FAM228B: variants seen among roughly 807,000 people sequenced by gnomAD.
The protein encoded by FAM228B is family with sequence similarity 228 member B.
A neutral mutation model predicts 42.6 loss-of-function variants in FAM228B; 38 were observed. That is an observed-to-expected ratio of 0.89 (90% CI 0.69 to 1.17). The LOEUF is 1.17. Among genes scored for constraint, FAM228B ranks in the 50% most tolerant of loss-of-function variants. The pLI is 0.00. For synonymous variants in FAM228B, 109 were observed against 122.3 expected, an observed-to-expected ratio of 0.89 and a Z score of 0.72; for missense variants, 344 against 367.3, an observed-to-expected ratio of 0.94 and a Z score of 0.52.
At chr2:24,100,775 A>G (rs1665591172) in intron 3 of FAM228B, among the ~76,000 whole-genome samples, 1 of 152,230 alleles carries the variant, frequency 6.6e-6, no homozygotes, top group Non-Finnish European at 1.5e-5. Flanking sequence ...ATATACCCAA[A>G]GGATCATAAA....
In FAM228B at chr2:24,084,469, G is replaced by C; in HGVS notation, c.-210+3514G>C. 28 of 1,082,812 alleles carry C rather than the reference G, an allele frequency of 2.6e-5. No homozygotes were observed. The highest frequency in any genetic ancestry group is 3.3e-5 in the Non-Finnish European group (27 of 809,708). 67.1% of individuals were successfully genotyped at this position (1,082,812 alleles called of 1,614,324 possible). A position where few individuals can be genotyped will look rare whatever the true frequency, so the allele number is the denominator to read the frequency against. On this transcript the variant is annotated intron_variant, in intron 2 of 10. Coordinates refer to the FAM228B transcript ENST00000613899. The surrounding 1 kb of genome is among the most constrained non-coding windows in gnomAD (Gnocchi z 8.4). ...CCCAGCCTCAGGCTGGCACCGCAGC[G>C]CCCCCTGCCGGCCAGCGCCTCGCTG...
At chr2:24,161,717 A>C (rs1667291244) in intron 8 of FAM228B, 104 bp downstream of exon 8, 2 of 732,690 alleles carry the variant, frequency 2.7e-6, no homozygotes, top group Non-Finnish European at 4.7e-6. Context: ...GCTGAGGCAC[A>C]CACAAAGCTC....
intron 2 of FAM228B, among the ~76,000 whole-genome samples, chr2:24,083,937 G>GT (rs1368173375): frequency 2.6e-5 from 4 of 152,226 alleles, no homozygotes; most frequent in Non-Finnish European, 5.9e-5. Flanking sequence ...CCACAACAAT[G>GT]TTAGTTCCGC....
chr2:24,090,046 G>A (rs1665353396), intron 2 of FAM228B, among the ~76,000 whole-genome samples: 1 of 151,808 alleles, frequency 6.6e-6, no homozygotes, highest in African/African-American at 2.4e-5. Context: ...GGCCAAGGCG[G>A]GCGGATCACG....
At chr2:24,113,135 T>G (rs1308662538) in intron 3 of FAM228B, among the ~76,000 whole-genome samples, 1 of 152,164 alleles carries the variant, frequency 6.6e-6, no homozygotes, top group Admixed American at 6.5e-5. Flanking sequence ...TACTGTTGTA[T>G]CATTACTACC....
intron 2 of FAM228B, 107 bp downstream of exon 2, chr2:24,124,567 C>T (rs928368823): frequency 1.1e-5 from 7 of 660,944 alleles, no homozygotes; most frequent in Non-Finnish European, 1.8e-5. Context: ...GTTTTTATTT[C>T]ATTCTGTTTA....
chr2:24,098,518 A>T (rs1665546974), intron 3 of FAM228B, among the ~76,000 whole-genome samples: 1 of 152,246 alleles, frequency 6.6e-6, no homozygotes, highest in Non-Finnish European at 1.5e-5. Context: ...TTGCAAATAA[A>T]CTAGAAAATC....
At chr2:24,168,552 A>T (rs1667484590) in intron 10 of FAM228B, among the ~76,000 whole-genome samples, 1 of 152,206 alleles carries the variant, frequency 6.6e-6, no homozygotes, top group Non-Finnish European at 1.5e-5. Context: ...ATGAAAGCTG[A>T]TTAGAGTGGG....
At chr2:24,120,141 C>T (rs1249849454), upstream of FAM228B, among the ~76,000 whole-genome samples, 1 of 152,002 alleles carries the variant, frequency 6.6e-6, no homozygotes, top group Non-Finnish European at 1.5e-5. Flanking sequence ...TGGTGGCAGG[C>T]GCCTGTAACC....
In FAM228B at chr2:24,137,994, C is replaced by T; in HGVS notation, c.254C>T (p.Ala85Val). Residue 85 changes from alanine (A) to valine (V), a missense_variant, in exon 4 of 11, where the codon GCA becomes GTA. Coordinates refer to ENST00000615575, the MANE Select transcript of FAM228B (RefSeq NM_001145710.2). ...MLYKRWVDCV[A>V]DPLQKKIIEK... The stretch of plus-strand genomic sequence containing the variant: ...TATAAAAGATGGGTTGACTGTGTGG[C>T]AGATCCTCTTCAGAAGAAAATTATA... The T allele has an allele frequency of 1.9e-6, 3 of 1,548,504 alleles. No individual in the cohort carries two copies.
intron 2 of FAM228B, among the ~76,000 whole-genome samples, chr2:24,086,497 T>C (rs1036616592): frequency 8.1e-5 from 12 of 148,124 alleles, no homozygotes; most frequent in Admixed American, 8.1e-4. Flanking sequence ...CCCTCCCTCC[T>C]TCCTTCCTTC....
chr2:24,077,570 C>T lies in FAM228B; in HGVS notation c.-290+601C>T. The T allele has an allele frequency of 6.2e-7, 1 of 1,612,502 alleles. No homozygotes were observed. The highest frequency in any genetic ancestry group is 2.2e-5 in the East Asian group (1 of 44,870). On this transcript the variant is annotated intron_variant, in intron 1 of 10. Transcript: ENST00000613899. This position sits in a 1 kb window ranked among gnomAD's most constrained non-coding sequence, Gnocchi z 5.5. ...GGGGTGGCCGCGTCCTGTCCTGCCC[C>T]ATCCTCCTTCACTGGGGCAGTTCCA...
Position 24,086,719 on chromosome 2 carries a change from T to C in FAM228B, c.-210+5764T>C, listed in dbSNP as rs145532662. On this transcript the variant is annotated intron_variant, in intron 2 of 10. Coordinates refer to the FAM228B transcript ENST00000613899. ...AGAGAGTAGACTAGCGTCTATTGAC[T>C]AGAAGAAAAGCACTGTAACTCAATA... is the stretch of plus-strand genomic sequence containing the variant. Among the ~76,000 whole-genome samples, 62 of 152,288 alleles carry C rather than the reference T, an allele frequency of 4.1e-4. No homozygotes were observed. The East Asian group carries it at 0.011, about 26-fold the overall frequency.
intron 10 of FAM228B, chr2:24,167,975 T>G: frequency 2.9e-6 from 1 of 349,496 alleles, no homozygotes; most frequent in Non-Finnish European, 5.5e-6. Flanking sequence ...TTCCAGGTGT[T>G]TGCTTAGGAC....
intron 1 of FAM228B, chr2:24,079,687 TAA>T: frequency 6.4e-7 from 1 of 1,566,450 alleles, no homozygotes; most frequent in Non-Finnish European, 8.8e-7. Flanking sequence ...TGGTGCTAAA[TAA>T]GATACCATGG....
At chr2:24,108,472 C>T (rs566753601) in intron 3 of FAM228B, among the ~76,000 whole-genome samples, 3 of 152,246 alleles carry the variant, frequency 2.0e-5, no homozygotes, top group Admixed American at 2.0e-4. Flanking sequence ...ATACCAAAAC[C>T]TGTCAGAGAC....
At chr2:24,145,941 G>A (rs1401581998) in intron 5 of FAM228B, among the ~76,000 whole-genome samples, 2 of 152,038 alleles carry the variant, frequency 1.3e-5, no homozygotes, top group African/African-American at 4.8e-5. Context: ...CGCCTGCCTC[G>A]GCCTCCCAAA....
rs1486717658 is a variant in FAM228B, at chr2:24,146,961, A to G, written c.561A>G (p.Glu187=). 1 of 1,551,364 alleles carries G rather than the reference A, an allele frequency of 6.4e-7. No homozygotes were observed. Among genetic ancestry groups the G allele is most frequent in the Non-Finnish European group, 8.7e-7 (1 of 1,146,844 alleles). The change falls in exon 7 of 11, where the codon GAA becomes GAG. Residue 187 remains glutamate (E), a synonymous_variant. Transcript: ENST00000615575. The stretch of plus-strand genomic sequence containing the variant: ...TATATTCAATAAAGGAATTCAAAGA[A>G]GTTGAGAAGGTTCAGCTGCATTCCA... ...GKIYSIKEFK[E]VEKVQLHSRF...
intron 7 of FAM228B, among the ~76,000 whole-genome samples, chr2:24,155,529 ATATTTTTTTTTTT>A (rs1364719155): frequency 5.0e-3 from 63 of 12,654 alleles, no homozygotes; most frequent in African/African-American, 0.013. Context: ...ATATATATAT[ATATTTTTTTTTTT>A]TTTTTTTTTT....
Sources: gnomAD v4.1 joint callset for allele counts (sites outside exome capture counted in the v4.1 genomes callset) on GRCh38, gnomAD v4.1.1 for gene constraint, Gnocchi (gnomAD v3.1) non-coding constraint, MANE v1.5 for transcripts, NCBI Gene and HGNC (gene_info 2026-07-23, HGNC 2026-07-21) for gene names.